Variants in CUL9 observed in about 807,000 individuals in gnomAD.
CUL9 encodes the protein cullin 9.
CUL9 carries 79 observed loss-of-function variants against 272.6 expected under a neutral mutation model. That is an observed-to-expected ratio of 0.29 (90% CI 0.24 to 0.35). The LOEUF (loss-of-function observed/expected upper bound fraction) is 0.35, where lower values mean the gene tolerates loss of function less well. Ranked by LOEUF, CUL9 falls within the 10% of genes least tolerant of loss-of-function variation. CUL9 has a pLI of 1.00. For synonymous variants in CUL9, 1,186 were observed against 1,286.5 expected, an observed-to-expected ratio of 0.92 and a Z score of 1.67; for missense variants, 2,532 against 3,255.6, an observed-to-expected ratio of 0.78 and a Z score of 5.41.
In CUL9 at chr6:43,196,081, C is replaced by T. The variant is rs1432525499; in HGVS notation, c.2401C>T (p.Leu801=). The T allele has an allele frequency of 6.2e-7, 1 of 1,612,356 alleles. No homozygotes were observed. Among genetic ancestry groups the T allele is most frequent in the Admixed American group, 1.7e-5 (1 of 59,946 alleles). The change falls in exon 10 of 41, where the codon CTG becomes TTG. Residue 801 remains leucine, a synonymous_variant. Coordinates refer to ENST00000252050, the MANE Select transcript of CUL9 (RefSeq NM_015089.4). ...ATCCCCCTCACAGGCACTGAAGATG[C>T]TGGCCGTCGCCAGCTCCTCGGAGAT... is the stretch of plus-strand genomic sequence containing the variant. ...QQAGLAALKM[L]AVASSSEIPT... is the part of the protein sequence containing the mutation.
rs1345052700 is a variant in CUL9, at chr6:43,198,757, C to T, written c.2952C>T (p.Leu984=). 1.9e-6 allele frequency: 3 copies of T among 1,614,096 alleles called. No homozygotes were observed. The highest frequency in any genetic ancestry group is 2.7e-5 in the African/African-American group (2 of 75,050). Residue 984 remains leucine, a synonymous_variant, in exon 12 of 41, where the codon CTC becomes CTT. Transcript: ENST00000252050. ...GCCCCGGAGGTGCCGTGAGGCCCCT[C>T]CTCAAGCGCCTCCAGCAGGAGACCC... ...EGSPGGAVRP[L]LKRLQQETQP...
In CUL9 at chr6:43,213,146, T is replaced by A; in HGVS notation, c.5213-3T>A. ...TCCACCCTTCTCCTTGACACTTGCC[T>A]AGGTCAGAACCATCCAGTCCTGGAC... On this transcript the variant is annotated splice_polypyrimidine_tract_variant and splice_region_variant and intron_variant, in intron 26 of 40. Coordinates refer to ENST00000252050, the MANE Select transcript of CUL9 (RefSeq NM_015089.4). This position sits in a 1 kb window ranked among gnomAD's most constrained non-coding sequence, Gnocchi z 5.7. 2.5e-6 allele frequency: 4 copies of A among 1,613,624 alleles called. No individual in the cohort carries two copies. Among genetic ancestry groups the A allele is most frequent in the Non-Finnish European group, 3.4e-6 (4 of 1,179,736 alleles).
chr6:43,191,365 T>C (rs1320875116), intron 8 of CUL9, among the ~76,000 whole-genome samples: 1 of 149,784 alleles, frequency 6.7e-6, no homozygotes, highest in African/African-American at 2.5e-5. Flanking sequence ...CGGGCTGGAG[T>C]GCAATAGCAA....
At chr6:43,185,392 T>C in intron 2 of CUL9, 64 bp from the exon 3 acceptor site, 1 of 1,556,998 alleles carries the variant, frequency 6.4e-7, no homozygotes, top group Non-Finnish European at 8.8e-7. Context: ...AGATAGAATC[T>C]AGGAAAGGCA....
In CUL9 at chr6:43,206,180, A is replaced by G. The variant is rs772120418; in HGVS notation, c.4967A>G (p.Asp1656Gly). ...CACCTCTTCCAGCTCCAGCGGCTCG[A>G]CAAGTTGTTCTTGGAGCAGGAAGAT... is the stretch of plus-strand genomic sequence containing the variant. ...QFHLFQLQRL[D>G]KLFLEQEDEE... Residue 1656 changes from aspartate (D) to glycine (G), a missense_variant, in exon 25 of 41, where the codon GAC (aspartate) becomes GGC (glycine). Asp to Gly is a moderately conservative substitution (Grantham distance 94). Around this residue, in one of 3 missense-constraint regions of CUL9, gnomAD observed 2,218 missense variants for 2,788.6 expected, o/e 0.80. Transcript: ENST00000252050. This position sits in a 1 kb window ranked among gnomAD's most constrained non-coding sequence, Gnocchi z 4.8. 6 of 1,613,320 alleles carry G rather than the reference A, an allele frequency of 3.7e-6. No individual in the cohort carries two copies. Among genetic ancestry groups the G allele is most frequent in the Non-Finnish European group, 5.1e-6 (6 of 1,179,722 alleles).
rs577738865 is a variant in CUL9, at chr6:43,203,040, T to A, written c.3754-69T>A. 1.2e-5 allele frequency: 19 copies of A among 1,549,316 alleles called. No homozygotes were observed. In the East Asian group the frequency reaches 4.0e-4, roughly 33 times the overall value. ...CACACACCATGACCGACTTGGTTAC[T>A]GTCAACAATTTTTCCAACCTTGTTT... On this transcript the variant is annotated intron_variant, in intron 17 of 40. Coordinates refer to ENST00000252050, the MANE Select transcript of CUL9 (RefSeq NM_015089.4). This position sits in a 1 kb window ranked among gnomAD's most constrained non-coding sequence, Gnocchi z 5.0.
At chr6:43,188,486 A>G in intron 7 of CUL9, 37 bp from the exon 8 acceptor site, 1 of 1,543,988 alleles carries the variant, frequency 6.5e-7, no homozygotes, top group Middle Eastern at 1.7e-4. Flanking sequence ...AAGGTGCCAC[A>G]GTTCTTTTAG....
chr6:43,186,507 TG>T, intron 4 of CUL9, 52 bp downstream of exon 4: 1 of 1,542,004 alleles, frequency 6.5e-7, no homozygotes, highest in Non-Finnish European at 8.8e-7. Flanking sequence ...TGGGGTGGGG[TG>T]TAGCTGGGAC....
At chr6:43,189,658 C>T (rs1047022170) in intron 8 of CUL9, among the ~76,000 whole-genome samples, 1 of 152,138 alleles carries the variant, frequency 6.6e-6, no homozygotes, top group East Asian at 1.9e-4. Context: ...GTTCTTATGT[C>T]TCAGCCTCCC....
chr6:43,213,531 T>G lies in CUL9; in HGVS notation c.5452T>G (p.Leu1818Val). The change falls in exon 28 of 41, where the codon TTG becomes GTG. Residue 1818 changes from leucine to valine, a missense_variant. This residue lies in a region of CUL9 where 2,218 missense variants were observed against 2,788.6 expected (regional missense o/e 0.80). Transcript: ENST00000252050. The surrounding 1 kb of genome is among the most constrained non-coding windows in gnomAD (Gnocchi z 5.7). ...LVPLTSGNGP[L>V]TLHEGQDFPH... is the part of the protein sequence containing the mutation. The stretch of plus-strand genomic sequence containing the variant: ...GCCCCTCACCTCAGGGAATGGCCCT[T>G]TGACCCTGCATGAGGGCCAGGACTT... 1 of 1,611,952 alleles carries G rather than the reference T, an allele frequency of 6.2e-7. No homozygotes were observed. The highest frequency in any genetic ancestry group is 8.5e-7 in the Non-Finnish European group (1 of 1,179,430).
intron 17 of CUL9, 56 bp downstream of exon 17, chr6:43,202,877 T>C: frequency 1.3e-6 from 2 of 1,519,056 alleles, no homozygotes; most frequent in Admixed American, 3.3e-5. Flanking sequence ...TTTGTCCCAG[T>C]GCCTGTGGGA....
In CUL9 at chr6:43,185,528, G is replaced by A; in HGVS notation, c.668G>A (p.Arg223His). The A allele has an allele frequency of 2.5e-6, 4 of 1,613,964 alleles. No individual in the cohort carries two copies. The highest frequency in any genetic ancestry group is 3.3e-5 in the Admixed American group (2 of 60,020). ...GIEQHMDFDS[R>H]YTLLELFAET... ...GAGCAGCACATGGATTTTGACAGTC[G>A]CTATACATTGCTGGAGCTGTTTGCA... Residue 223 changes from arginine to histidine, a missense_variant, in exon 3 of 41, where the codon CGC becomes CAC. Physicochemically the swap from Arg to His is conservative, Grantham distance 29. Coordinates refer to ENST00000252050, the MANE Select transcript of CUL9 (RefSeq NM_015089.4).
At chr6:43,194,186 T>C (rs915697809) in intron 9 of CUL9, among the ~76,000 whole-genome samples, 5 of 152,176 alleles carry the variant, frequency 3.3e-5, no homozygotes, top group Admixed American at 2.0e-4. Flanking sequence ...GTTCTGAGAA[T>C]GGATTCCAGT....
intron 23 of CUL9, 63 bp from the exon 24 acceptor site, chr6:43,205,198 GCT>G (rs1774952895): frequency 6.3e-7 from 1 of 1,590,440 alleles, no homozygotes; most frequent in Non-Finnish European, 8.6e-7. Context: ...ACCTCCTTTC[GCT>G]CCCCAGTCTC....
At chr6:43,197,358 C>A (rs1314968185) in intron 11 of CUL9, among the ~76,000 whole-genome samples, 2 of 151,416 alleles carry the variant, frequency 1.3e-5, no homozygotes, top group Non-Finnish European at 2.9e-5. Flanking sequence ...AAATTGCCTT[C>A]TTGAATGGCT....
At chr6:43,215,493 C>G (rs1775863103) in intron 30 of CUL9, among the ~76,000 whole-genome samples, 167 bp downstream of exon 30, 1 of 152,158 alleles carries the variant, frequency 6.6e-6, no homozygotes, top group Non-Finnish European at 1.5e-5. Context: ...CCAGCACCAC[C>G]ACCCCTTTCC....
chr6:43,222,505 G>T, intron 36 of CUL9, 26 bp from the exon 37 acceptor site: 3 of 1,612,354 alleles, frequency 1.9e-6, no homozygotes, highest in Non-Finnish European at 2.5e-6. Flanking sequence ...ACCTGTGCTG[G>T]TACTGATACA....
chr6:43,216,710 C>T (rs1775968479), intron 31 of CUL9, among the ~76,000 whole-genome samples: 1 of 152,180 alleles, frequency 6.6e-6, no homozygotes, highest in African/African-American at 2.4e-5. Flanking sequence ...TGGTTGGGAT[C>T]CAGCGATATA....
chr6:43,224,208 C>T lies in CUL9; in HGVS notation c.7358+40C>T, dbSNP rs772303074. The T allele has an allele frequency of 1.9e-6, 3 of 1,613,962 alleles. No homozygotes were observed. The South Asian group carries it at 3.3e-5, about 18-fold the overall frequency. On this transcript the variant is annotated intron_variant, in intron 40 of 40. Transcript: ENST00000252050. The surrounding 1 kb of genome is among the most constrained non-coding windows in gnomAD (Gnocchi z 4.2). ...CAGAGCCATGGAGGAGGCAGTGGGACATGGCAGCCTCCTCTGGGCTGAGTG... is the reference window on the plus strand; with the variant it reads ...CAGAGCCATGGAGGAGGCAGTGGGATATGGCAGCCTCCTCTGGGCTGAGTG...
Sources: allele counts gnomAD v4.1 joint callset (sites outside exome capture counted in the v4.1 genomes callset), GRCh38; gene constraint gnomAD v4.1.1; regional missense constraint gnomAD v4.1.1; non-coding constraint Gnocchi (gnomAD v3.1); transcripts MANE v1.5; gene names NCBI Gene and HGNC (gene_info 2026-07-23, HGNC 2026-07-21).